KIAA1217: variants seen among roughly 807,000 people sequenced by gnomAD.
KIAA1217 encodes KIAA1217.
KIAA1217 carries 88 observed loss-of-function variants against 163.9 expected under a neutral mutation model. That is an observed-to-expected ratio of 0.54 (90% confidence interval 0.45 to 0.64). KIAA1217 has a LOEUF of 0.64. Ranked by LOEUF, KIAA1217 falls within the 30% of genes least tolerant of loss-of-function variation. The pLI is 0.00. For synonymous variants in KIAA1217, 903 were observed against 923.1 expected (o/e 0.98, Z 0.39); for missense variants, 2,372 against 2,475.0 (o/e 0.96, Z 0.88).
At chr10:24,169,298 C>T (rs1266525447) in intron 2 of KIAA1217, among the ~76,000 whole-genome samples, 1 of 152,208 alleles carries the variant, frequency 6.6e-6, no homozygotes, top group Non-Finnish European at 1.5e-5. Context: ...GGCCCATGCC[C>T]GTTCTTCCTG....
At chr10:24,276,082 G>A (rs1370853532) in intron 2 of KIAA1217, among the ~76,000 whole-genome samples, 1 of 152,182 alleles carries the variant, frequency 6.6e-6, no homozygotes. Context: ...TCAGCAGCTT[G>A]AGGACTGTCA....
In KIAA1217 at chr10:23,897,574, C is replaced by T. The variant is rs539109033; in HGVS notation, c.-320-109651C>T. ...TTGACCTGCTATGGAGCCAGGGTAC[C>T]TGGGGTGAATCACAATCCTTTCTGT... is the stretch of plus-strand genomic sequence containing the variant. On this transcript the variant is annotated intron_variant, in intron 1 of 18. Transcript: ENST00000376462. 2.0e-5 allele frequency among the ~76,000 whole-genome samples: 3 copies of T among 152,158 alleles called. No homozygotes were observed. In the South Asian group the frequency reaches 6.2e-4, roughly 32 times the overall value.
At chr10:24,041,859 GT>G (rs1258718703) in intron 2 of KIAA1217, among the ~76,000 whole-genome samples, 1 of 152,078 alleles carries the variant, frequency 6.6e-6, no homozygotes, top group African/African-American at 2.4e-5. Context: ...TTTATGTATT[GT>G]ACCTGAGTGG....
At chr10:24,047,336 T>C (rs1486913497) in intron 2 of KIAA1217, among the ~76,000 whole-genome samples, 3 of 152,176 alleles carry the variant, frequency 2.0e-5, no homozygotes, top group African/African-American at 7.2e-5. Context: ...AATTCTCTTC[T>C]GACACAGGCT....
intron 19 of KIAA1217, 72 bp downstream of exon 19, chr10:24,544,553 A>T: frequency 6.6e-7 from 1 of 1,511,198 alleles, no homozygotes. Flanking sequence ...CATTAGTGAA[A>T]GGTGTCTTGT....
At chr10:24,316,935 G>A (rs1386625468) in intron 2 of KIAA1217, among the ~76,000 whole-genome samples, 1 of 152,152 alleles carries the variant, frequency 6.6e-6, no homozygotes, top group African/African-American at 2.4e-5. Flanking sequence ...ACTGAGAGAC[G>A]CTCAGTGTGT....
At position 23,790,566 on chromosome 10, in the gene KIAA1217, T is replaced by TAC. The variant is rs538851652; in HGVS notation, c.-321+95333_-321+95334insCA. Among the ~76,000 whole-genome samples the TAC allele has an allele frequency of 9.5e-4, 73 of 76,700 alleles. 21 individuals carry two copies. The highest frequency in any genetic ancestry group is 7.3e-3 in the African/African-American group (73 of 10,010). 50.3% of individuals were successfully genotyped at this position (76,700 alleles called of 152,430 possible). ...GTGCATATATACATATGTACATATG[T>TAC]ATATATACATATGTATATGTACATA... On this transcript the variant is annotated intron_variant, in intron 1 of 18. Transcript: ENST00000376462.
At chr10:24,106,291 CT>C (rs1218470679) in intron 2 of KIAA1217, among the ~76,000 whole-genome samples, 1 of 152,032 alleles carries the variant, frequency 6.6e-6, no homozygotes, top group African/African-American at 2.4e-5. Flanking sequence ...TATCTGGAGA[CT>C]AACCAATGAG....
At chr10:24,085,680 A>T (rs1469298348) in intron 2 of KIAA1217, among the ~76,000 whole-genome samples, 2 of 152,080 alleles carry the variant, frequency 1.3e-5, no homozygotes, top group East Asian at 3.9e-4. Context: ...TAAAAAAAAA[A>T]AAGTGCTGGC....
rs372574557 is a variant in KIAA1217, at chr10:23,830,470, AAC to A, written c.-321+135238_-321+135239del. On this transcript the variant is annotated intron_variant, in intron 1 of 18. Transcript: ENST00000376462. The stretch of plus-strand genomic sequence containing the variant: ...TTTGTGTTTGGCCGTTGCTGTGATA[AAC>A]AGTCTAGGGTTTTGCTTTTAAGAGC... 4.3e-3 allele frequency among the ~76,000 whole-genome samples: 652 copies of A among 152,240 alleles called. 4 individuals are homozygous for A. The highest frequency in any genetic ancestry group is 0.014 in the African/African-American group (602 of 41,548).
At chr10:24,148,886 A>G (rs952934846) in intron 2 of KIAA1217, among the ~76,000 whole-genome samples, 1 of 152,206 alleles carries the variant, frequency 6.6e-6, no homozygotes. Context: ...CTGTTTCTAT[A>G]CAATATTCAT....
chr10:24,098,006 C>A lies in KIAA1217; in HGVS notation c.-171+90632C>A, dbSNP rs547500940. ...ACACGCCTCCTTTTCTGCTTGCATGCCCTGGAGCTGCCGCTGATCTTTGGC... is the reference window on the plus strand; with the variant it reads ...ACACGCCTCCTTTTCTGCTTGCATGACCTGGAGCTGCCGCTGATCTTTGGC... On this transcript the variant is annotated intron_variant, in intron 2 of 18. Transcript: ENST00000376462. Among the ~76,000 whole-genome samples, 6 of 152,128 alleles carry A rather than the reference C, an allele frequency of 3.9e-5. No homozygotes were observed. In the East Asian group the frequency reaches 7.8e-4, roughly 20 times the overall value.
intron 2 of KIAA1217, among the ~76,000 whole-genome samples, chr10:24,195,082 C>T (rs1192968366): frequency 6.6e-6 from 1 of 152,052 alleles, no homozygotes; most frequent in Non-Finnish European, 1.5e-5. Context: ...TGTATTCTTC[C>T]AGGGAAGGCA....
At chr10:23,778,892 A>G (rs1247380583) in intron 1 of KIAA1217, among the ~76,000 whole-genome samples, 3 of 152,136 alleles carry the variant, frequency 2.0e-5, no homozygotes, top group Non-Finnish European at 4.4e-5. Flanking sequence ...AGTCTCCCCT[A>G]TATGTGAGGC....
chr10:24,392,367 A>G (rs17585428), intron 3 of KIAA1217, among the ~76,000 whole-genome samples: 17,609 of 152,244 alleles, frequency 0.12, 1,132 homozygotes, highest in South Asian at 0.29. Context: ...CCATGTGGCT[A>G]TATCTTTACC....
chr10:24,156,239 C>T (rs2064868897), intron 2 of KIAA1217, among the ~76,000 whole-genome samples: 1 of 152,118 alleles, frequency 6.6e-6, no homozygotes, highest in Non-Finnish European at 1.5e-5. Flanking sequence ...ATTTTTGTCT[C>T]CCTTTTTCAA....
intron 2 of KIAA1217, among the ~76,000 whole-genome samples, chr10:24,020,622 T>TAC (rs1404550819): frequency 1.3e-5 from 2 of 152,018 alleles, no homozygotes; most frequent in African/African-American, 4.8e-5. Context: ...TACACATATA[T>TAC]ACACACACTG....
At chr10:23,792,473 TTTTA>T (rs1306705195) in intron 1 of KIAA1217, among the ~76,000 whole-genome samples, 1 of 151,670 alleles carries the variant, frequency 6.6e-6, no homozygotes, top group African/African-American at 2.4e-5. Flanking sequence ...TTTTTACTCT[TTTTA>T]TTTTTATTTA....
chr10:24,361,480 G>A (rs1338363272), intron 2 of KIAA1217, among the ~76,000 whole-genome samples: 1 of 152,072 alleles, frequency 6.6e-6, no homozygotes, highest in Admixed American at 6.6e-5. Flanking sequence ...GAGCCACAGT[G>A]CCCAGCCCAT....
Sources: gnomAD v4.1 joint callset for allele counts (sites outside exome capture counted in the v4.1 genomes callset) on GRCh38, gnomAD v4.1.1 for gene constraint, MANE v1.5 for transcripts, NCBI Gene and HGNC (gene_info 2026-07-23, HGNC 2026-07-21) for gene names.